FHOD1: variants seen among roughly 807,000 people sequenced by gnomAD.
The protein encoded by FHOD1 is formin homology 2 domain containing 1.
Under a neutral mutation model 111.6 loss-of-function variants are expected in FHOD1, and 89 were observed. That is an observed-to-expected ratio of 0.80 (90% CI 0.67 to 0.95). The LOEUF is 0.95. FHOD1 is among the 40% of genes least tolerant of loss of function. FHOD1 has a pLI of 0.00. For synonymous variants in FHOD1, 618 were observed against 639.0 expected (o/e 0.97, Z 0.50); for missense variants, 1,446 against 1,554.2 (o/e 0.93, Z 1.17).
Position 67,237,140 on chromosome 16 carries a change from G to A in FHOD1, c.994-26C>T, listed in dbSNP as rs2034515866. The A allele has an allele frequency of 1.9e-6, 3 of 1,604,148 alleles. No homozygotes were observed. The highest frequency in any genetic ancestry group is 2.7e-5 in the African/African-American group (2 of 74,572). ...CTAGCAGAGGCGGACCAGGATGTAA[G>A]AAAGTGGTTAACGTGTATGCAGGTG... is the stretch of plus-strand genomic sequence containing the variant. On this transcript the variant is annotated intron_variant, in intron 9 of 21. Coordinates refer to ENST00000258201, the MANE Select transcript of FHOD1 (RefSeq NM_013241.3). This position sits in a 1 kb window ranked among gnomAD's most constrained non-coding sequence, Gnocchi z 5.6.
rs762346925 is a variant in FHOD1, at chr16:67,229,816, C to T, written c.3389G>A (p.Arg1130His). Residue 1130 changes from arginine to histidine, a missense_variant, in exon 21 of 22, where the codon CGT becomes CAT. By Grantham distance (29) the Arg-to-His change is conservative. Transcript: ENST00000258201. ...PRALAARERK[R>H]SRGNRKSLRR... ...ACAAGACTTGCGGTTGCCGCGGGAACGCTTGCGTTCCCTAGCAGCTAAGGC... is the reference window on the plus strand; with the variant it reads ...ACAAGACTTGCGGTTGCCGCGGGAATGCTTGCGTTCCCTAGCAGCTAAGGC... 20 of 1,614,084 alleles carry T rather than the reference C, an allele frequency of 1.2e-5. No individual in the cohort carries two copies. The highest frequency in any genetic ancestry group is 3.3e-5 in the Admixed American group (2 of 60,002).
At position 67,230,710 on chromosome 16, in the gene FHOD1, C is replaced by A. The variant is rs1054133982; in HGVS notation, c.2749G>T (p.Ala917Ser). 2.5e-6 allele frequency: 4 copies of A among 1,613,584 alleles called. No homozygotes were observed. Among genetic ancestry groups the A allele is most frequent in the Non-Finnish European group, 2.5e-6 (3 of 1,179,856 alleles). The stretch of plus-strand genomic sequence containing the variant: ...AGGGCTGGGGCCAGCTCATGCTTGG[C>A]CAAGCTCCGCAGGCTCTCCTCGGCT... ...RAAEESLRSLAKHELAPALRA... is the reference protein window; with the variant it reads ...RAAEESLRSLSKHELAPALRA... The change falls in exon 18 of 22, where the codon GCC (alanine) becomes TCC (serine). Residue 917 changes from alanine to serine, a missense_variant. Coordinates refer to ENST00000258201, the MANE Select transcript of FHOD1 (RefSeq NM_013241.3).
Position 67,230,760 on chromosome 16 carries a change from C to T in FHOD1, c.2699G>A (p.Gly900Glu). ...VDFEQLTENL[G>E]QLERRSRAAE... Reference sequence around the variant, plus strand: ...TGCCCGGCTCCGGCGCTCCAGCTGCCCCAGGTTCTCAGTCAGCTGTTCAAA... The same window carrying T: ...TGCCCGGCTCCGGCGCTCCAGCTGCTCCAGGTTCTCAGTCAGCTGTTCAAA... The change falls in exon 18 of 22, where the codon GGG (glycine) becomes GAG (glutamate). Residue 900 changes from glycine to glutamate, a missense_variant. Gly to Glu is a moderately conservative substitution (Grantham distance 98). Coordinates refer to ENST00000258201, the MANE Select transcript of FHOD1 (RefSeq NM_013241.3). 1 of 1,605,778 alleles carries T rather than the reference C, an allele frequency of 6.2e-7. No homozygotes were observed. The highest frequency in any genetic ancestry group is 8.5e-7 in the Non-Finnish European group (1 of 1,175,690).
intron 19 of FHOD1, 21 bp downstream of exon 19, chr16:67,230,293 A>C (rs767282545): frequency 1.2e-6 from 2 of 1,613,920 alleles, no homozygotes; most frequent in South Asian, 2.2e-5. Flanking sequence ...AGTCAAGACT[A>C]AGACCTGGAA....
Position 67,230,169 on chromosome 16 carries a change from T to C in FHOD1, c.3111A>G (p.Ala1037=). ...CTCCCCGGCCTGGCCCGCTGCTCAC[T>C]GCTACTGGGACAGAGGGGTTGCTGG... The part of the protein sequence containing the change: ...EAPSNPSVPV[A]VSSGPGRGDA... The change falls in exon 20 of 22, where the codon GCA becomes GCG. Residue 1037 remains alanine, a synonymous_variant. Coordinates refer to ENST00000258201, the MANE Select transcript of FHOD1 (RefSeq NM_013241.3). 1 of 1,614,138 alleles carries C rather than the reference T, an allele frequency of 6.2e-7. No individual in the cohort carries two copies. Among genetic ancestry groups the C allele is most frequent in the Non-Finnish European group, 8.5e-7 (1 of 1,179,990 alleles).
rs763412691 is a variant in FHOD1, at chr16:67,238,232, C to T, written c.517G>A (p.Asp173Asn). Residue 173 changes from aspartate to asparagine, a missense_variant, in exon 5 of 22, where the codon GAC becomes AAC. Coordinates refer to ENST00000258201, the MANE Select transcript of FHOD1 (RefSeq NM_013241.3). This position sits in a 1 kb window ranked among gnomAD's most constrained non-coding sequence, Gnocchi z 4.2. ...SCLIRVGAAADHNYQSYILRA... is the reference protein window; with the variant it reads ...SCLIRVGAAANHNYQSYILRA... ...AGGATGTAGCTCTGGTAGTTGTGGT[C>T]GGCAGCAGCACCCACACGGATCAGG... The T allele has an allele frequency of 8.7e-6, 14 of 1,614,088 alleles. No homozygotes were observed. The highest frequency in any genetic ancestry group is 3.3e-5 in the South Asian group (3 of 91,064).
Position 67,237,375 on chromosome 16 carries a change from GC to G in FHOD1, c.856del (p.Ala286ArgfsTer12). ...GAAGGAGTCCTGGTCCGGGAGCGCC[GC>G]CAGCGTCTGGAGGGCGGGGATAAGA... The part of the protein sequence containing the change: ...YTVTLINKTL[A>X]ALPDQDSFYD... On this transcript the variant is annotated frameshift_variant, in exon 9 of 22. Transcript: ENST00000258201. LOFTEE classifies it high-confidence loss of function. This position sits in a 1 kb window ranked among gnomAD's most constrained non-coding sequence, Gnocchi z 5.6. 1 of 1,613,852 alleles carries G rather than the reference GC, an allele frequency of 6.2e-7. No homozygotes were observed. The highest frequency in any genetic ancestry group is 8.5e-7 in the Non-Finnish European group (1 of 1,179,764).
At chr16:67,243,519 C>T (rs1280602385) in intron 1 of FHOD1, among the ~76,000 whole-genome samples, 2 of 152,038 alleles carry the variant, frequency 1.3e-5, no homozygotes, top group South Asian at 2.1e-4. Flanking sequence ...CAGCCTGAGC[C>T]GCCTATTTAA....
chr16:67,232,163 G>A lies in FHOD1; in HGVS notation c.2078C>T (p.Thr693Ile), dbSNP rs761598605. The A allele has an allele frequency of 1.2e-6, 2 of 1,614,174 alleles. No homozygotes were observed. Among genetic ancestry groups the A allele is most frequent in the African/African-American group, 2.7e-5 (2 of 75,046 alleles). ...GTTGCTGCGCTTGGGGTCCAGCACTGTGGTCATTGTCCGGCGGCCCTCTCC... is the reference window on the plus strand; with the variant it reads ...GTTGCTGCGCTTGGGGTCCAGCACTATGGTCATTGTCCGGCGGCCCTCTCC... ...KAGEGRRTMT[T>I]VLDPKRSNAI... is the part of the protein sequence containing the mutation. Residue 693 changes from threonine to isoleucine, a missense_variant, in exon 14 of 22, where the codon ACA becomes ATA. Thr to Ile is a moderately conservative substitution (Grantham distance 89). Coordinates refer to ENST00000258201, the MANE Select transcript of FHOD1 (RefSeq NM_013241.3).
At chr16:67,243,936 G>A (rs975684376) in intron 1 of FHOD1, among the ~76,000 whole-genome samples, 1 of 152,198 alleles carries the variant, frequency 6.6e-6, no homozygotes, top group Non-Finnish European at 1.5e-5. Context: ...AGCCCCAGGG[G>A]AGGCTAGGAG....
At position 67,230,317 on chromosome 16, in the gene FHOD1, G is replaced by A. The variant is rs376723898; in HGVS notation, c.3048C>T (p.Thr1016=). The change falls in exon 19 of 22, where the codon ACC becomes ACT. Residue 1016 remains threonine, a synonymous_variant. Coordinates refer to ENST00000258201, the MANE Select transcript of FHOD1 (RefSeq NM_013241.3). ...ERNKTRGRMI[T]ETEKFSGVAG... ...TAAGACCTGGAAGGGCACCCACCTC[G>A]GTGATCATGCGTCCCCGGGTCTTGT... is the stretch of plus-strand genomic sequence containing the variant. 79 of 1,614,208 alleles carry A rather than the reference G, an allele frequency of 4.9e-5. No individual in the cohort carries two copies. The South Asian group carries it at 6.3e-4, about 13-fold the overall frequency.
At chr16:67,243,855 G>C (rs989621072) in intron 1 of FHOD1, among the ~76,000 whole-genome samples, 4 of 152,192 alleles carry the variant, frequency 2.6e-5, no homozygotes, top group African/African-American at 9.7e-5. Flanking sequence ...CCAGGACCTA[G>C]GTGTCAGGGT....
In FHOD1 at chr16:67,231,302, C is replaced by G; in HGVS notation, c.2553G>C (p.Lys851Asn). 1.2e-6 allele frequency: 2 copies of G among 1,614,162 alleles called. No individual in the cohort carries two copies. The highest frequency in any genetic ancestry group is 1.7e-6 in the Non-Finnish European group (2 of 1,180,018). ...LSYLEKVSEV[K>N]DTVRRQSLLH... ...GCAGTGACTGTCGACGCACCGTGTC[C>G]TTCACCTCTGACACCTTCTCCAGGT... Residue 851 changes from lysine to asparagine, a missense_variant, in exon 17 of 22, where the codon AAG becomes AAC. This residue lies in a region of FHOD1 where 1,085 missense variants were observed against 1,108.8 expected (regional missense o/e 0.98). Transcript: ENST00000258201. The surrounding 1 kb of genome is among the most constrained non-coding windows in gnomAD (Gnocchi z 4.3).
In FHOD1 at chr16:67,229,576, ACT is replaced by A; in HGVS notation, c.*58_*59del. 3 of 1,480,884 alleles carry A rather than the reference ACT, an allele frequency of 2.0e-6. No homozygotes were observed. The highest frequency in any genetic ancestry group is 1.7e-5 in the Admixed American group (1 of 59,726). The allele number at this position is 1,480,884 out of a possible 1,614,324, so 91.7% of individuals were successfully genotyped here. On this transcript the variant is annotated 3_prime_UTR_variant, in exon 22 of 22. Coordinates refer to ENST00000258201, the MANE Select transcript of FHOD1 (RefSeq NM_013241.3). ...CAGAATTCTGCTCTGGGCCCTCCTC[ACT>A]CTGTCATCTCCTGCACTGCAGTCCA...
At chr16:67,232,313 C>G in intron 13 of FHOD1, 119 bp from the exon 14 acceptor site, 3 of 881,076 alleles carry the variant, frequency 3.4e-6, no homozygotes, top group Non-Finnish European at 5.2e-6. Flanking sequence ...GTCAGGAGAT[C>G]GAGACCATCC....
At chr16:67,242,919 A>G (rs1220771077) in intron 1 of FHOD1, among the ~76,000 whole-genome samples, 1 of 151,628 alleles carries the variant, frequency 6.6e-6, no homozygotes, top group Non-Finnish European at 1.5e-5. Context: ...ATATAGATCT[A>G]TAATATATAG....
chr16:67,233,272 G>T (rs1167975272), intron 13 of FHOD1, among the ~76,000 whole-genome samples: 1 of 151,990 alleles, frequency 6.6e-6, no homozygotes, highest in Non-Finnish European at 1.5e-5. Flanking sequence ...TTTTAGTAGA[G>T]ACGGGGTTTT....
chr16:67,229,897 G>A lies in FHOD1; in HGVS notation c.3308C>T (p.Thr1103Ile), dbSNP rs1232404830. The part of the protein sequence containing the change: ...EPPGSSLPSD[T>I]SDEIMDLLVQ... ...CAGAAGGTCCATGATCTCATCTGAT[G>A]TATCACTGGGTAAACTGGAGCCTGG... Residue 1103 changes from threonine to isoleucine, a missense_variant, in exon 21 of 22, where the codon ACA becomes ATA. Physicochemically the swap from Thr to Ile is moderately conservative, Grantham distance 89. Transcript: ENST00000258201. 5.0e-6 allele frequency: 8 copies of A among 1,614,114 alleles called. No individual in the cohort carries two copies. Among genetic ancestry groups the A allele is most frequent in the Middle Eastern group, 3.3e-4 (2 of 6,084 alleles).
In FHOD1 at chr16:67,234,412, C is replaced by A. The variant is rs774862376; in HGVS notation, c.1380G>T (p.Gln460His). Reference sequence around the variant, plus strand: ...CCCCGGCAAGTGTCTCTGCCCGGCCCTGGGCCAGCGCAACCTGCTTCTCTG... The same window carrying A: ...CCCCGGCAAGTGTCTCTGCCCGGCCATGGGCCAGCGCAACCTGCTTCTCTG... The part of the protein sequence containing the change: ...AETEKQVALA[Q>H]GRAETLAGAM... Residue 460 changes from glutamine (Q) to histidine (H), a missense_variant, in exon 12 of 22, where the codon CAG becomes CAT. By Grantham distance (24) the Gln-to-His change is conservative. Coordinates refer to ENST00000258201, the MANE Select transcript of FHOD1 (RefSeq NM_013241.3). 9.3e-6 allele frequency: 15 copies of A among 1,609,604 alleles called. No individual in the cohort carries two copies. In the East Asian group the frequency reaches 3.1e-4, roughly 34 times the overall value.
Sources: gnomAD v4.1 joint callset for allele counts (sites outside exome capture counted in the v4.1 genomes callset) on GRCh38, gnomAD v4.1.1 for gene constraint, gnomAD v4.1.1 regional missense constraint, Gnocchi (gnomAD v3.1) non-coding constraint, MANE v1.5 for transcripts, NCBI Gene and HGNC (gene_info 2026-07-23, HGNC 2026-07-21) for gene names.